The following CACHD1 variants were observed in gnomAD, a reference collection of about 807,000 sequenced individuals.
CACHD1 encodes cache domain containing 1.
Under a neutral mutation model 138.7 loss-of-function variants are expected in CACHD1, and 71 were observed. The observed-to-expected ratio is 0.51, with a 90% CI of 0.42 to 0.62. The LOEUF is 0.62. Among genes scored for constraint, CACHD1 ranks in the 20% least tolerant of loss-of-function variants. The pLI, the probability that CACHD1 is intolerant of heterozygous loss-of-function variation, is 0.00. For synonymous variants in CACHD1, 578 were observed against 591.5 expected (o/e 0.98, Z 0.33); for missense variants, 1,389 against 1,625.3 (o/e 0.85, Z 2.50).
chr1:64,539,557 C>T (rs999800038), intron 1 of CACHD1, among the ~76,000 whole-genome samples: 1 of 152,146 alleles, frequency 6.6e-6, no homozygotes, highest in Non-Finnish European at 1.5e-5. Flanking sequence ...AGGCAAGAAA[C>T]AGCGTCTTTA....
chr1:64,643,042 A>T (rs1214046391), intron 8 of CACHD1, among the ~76,000 whole-genome samples: 50 of 41,526 alleles, frequency 1.2e-3, no homozygotes, highest in African/African-American at 4.3e-3. Flanking sequence ...TGTCTAAAAA[A>T]AAAAAAAAAA....
intron 1 of CACHD1, 40 bp from the exon 2 acceptor site, chr1:64,550,554 T>A: frequency 6.9e-7 from 1 of 1,443,118 alleles, no homozygotes; most frequent in African/African-American, 1.4e-5. Context: ...AGAAAATGAC[T>A]TATTTAGAAA....
chr1:64,674,152 G>A (rs1649907776), intron 19 of CACHD1, among the ~76,000 whole-genome samples: 1 of 152,142 alleles, frequency 6.6e-6, no homozygotes, highest in Admixed American at 6.5e-5. Flanking sequence ...AATGTACTGG[G>A]TTAAATTAAA....
At chr1:64,560,505 T>C (rs528609338) in intron 2 of CACHD1, among the ~76,000 whole-genome samples, 1 of 152,210 alleles carries the variant, frequency 6.6e-6, no homozygotes, top group East Asian at 1.9e-4. Flanking sequence ...AACGTTGTGG[T>C]CTTTAGATAT....
chr1:64,647,710 A>T, intron 8 of CACHD1, 91 bp from the exon 9 acceptor site: 1 of 1,050,422 alleles, frequency 9.5e-7, no homozygotes, highest in Non-Finnish European at 1.4e-6. Flanking sequence ...ACAAGACCTC[A>T]TCCATGCCCG....
intron 3 of CACHD1, among the ~76,000 whole-genome samples, chr1:64,595,512 A>G (rs1419207706): frequency 1.3e-5 from 2 of 152,142 alleles, no homozygotes; most frequent in African/African-American, 4.8e-5. Context: ...AACATCACAG[A>G]GGCAGCCTGC....
At chr1:64,578,800 A>G (rs1284243255) in intron 2 of CACHD1, among the ~76,000 whole-genome samples, 1 of 152,218 alleles carries the variant, frequency 6.6e-6, no homozygotes, top group Non-Finnish European at 1.5e-5. Context: ...TAAGCGTTCC[A>G]AGAGACAGGC....
At chr1:64,682,988 G>A (rs1273216364) in intron 26 of CACHD1, among the ~76,000 whole-genome samples, 8 of 150,088 alleles carry the variant, frequency 5.3e-5, no homozygotes, top group Non-Finnish European at 1.0e-4. Flanking sequence ...CATAAATAGT[G>A]TATTTAAGCC....
At chr1:64,538,212 C>T (rs1646649816) in intron 1 of CACHD1, among the ~76,000 whole-genome samples, 2 of 152,164 alleles carry the variant, frequency 1.3e-5, no homozygotes, top group Non-Finnish European at 2.9e-5. Flanking sequence ...CACATTTATT[C>T]CATAAAGGCT....
At chr1:64,539,403 G>A (rs1218630953) in intron 1 of CACHD1, among the ~76,000 whole-genome samples, 1 of 152,028 alleles carries the variant, frequency 6.6e-6, no homozygotes, top group Non-Finnish European at 1.5e-5. Context: ...TCCCTGGCTT[G>A]AAAACCCTGC....
At chr1:64,665,090 TA>T (rs1649586378) in intron 15 of CACHD1, among the ~76,000 whole-genome samples, 3 of 152,172 alleles carry the variant, frequency 2.0e-5, no homozygotes, top group South Asian at 4.1e-4. Context: ...GCTTTTTTTT[TA>T]CTTTAATTTT....
intron 4 of CACHD1, among the ~76,000 whole-genome samples, chr1:64,611,896 G>A (rs1220044751): frequency 6.6e-6 from 1 of 152,194 alleles, no homozygotes; most frequent in East Asian, 1.9e-4. Context: ...ATGAGACTGA[G>A]GAGTTTGTGA....
At chr1:64,646,316 C>T (rs909927831) in intron 8 of CACHD1, among the ~76,000 whole-genome samples, 2 of 152,138 alleles carry the variant, frequency 1.3e-5, no homozygotes, top group African/African-American at 4.8e-5. Context: ...AGCTCTGTGC[C>T]GTGCAAAGGG....
chr1:64,608,720 C>T lies in CACHD1; in HGVS notation c.517+5808C>T, dbSNP rs537867215. Among the ~76,000 whole-genome samples, 9 of 152,282 alleles carry T rather than the reference C, an allele frequency of 5.9e-5. No individual in the cohort carries two copies. The South Asian group carries it at 1.7e-3, about 28-fold the overall frequency. On this transcript the variant is annotated intron_variant, in intron 4 of 26. Coordinates refer to ENST00000651257, the MANE Select transcript of CACHD1 (RefSeq NM_020925.4). ...ATATTATGGTTCTGGTAATGTTTTG[C>T]TCAGGTTCTTTCCTGCTTTTATCCC...
At position 64,678,146 on chromosome 1, in the gene CACHD1, G is replaced by A. The variant is rs770528162; in HGVS notation, c.3093-13G>A. 3.1e-6 allele frequency: 5 copies of A among 1,608,302 alleles called. No individual in the cohort carries two copies. In the African/African-American group the frequency reaches 4.0e-5, roughly 13 times the overall value. On this transcript the variant is annotated splice_polypyrimidine_tract_variant and intron_variant, in intron 22 of 26. Coordinates refer to ENST00000651257, the MANE Select transcript of CACHD1 (RefSeq NM_020925.4). ...ACTGCTTTATAGAAGACTAAGTATT[G>A]TTTTTCTGGCAGGGACTGTTTTGGG...
At chr1:64,646,980 G>A (rs1424261333) in intron 8 of CACHD1, among the ~76,000 whole-genome samples, 1 of 150,936 alleles carries the variant, frequency 6.6e-6, no homozygotes, top group African/African-American at 2.4e-5. Flanking sequence ...AGTAGTGACT[G>A]AAATCATTTT....
Position 64,561,699 on chromosome 1 carries a change from TTC to T in CACHD1, c.261+11045_261+11046del, listed in dbSNP as rs1491217131. Among the ~76,000 whole-genome samples the T allele has an allele frequency of 5.0e-3, 235 of 46,638 alleles. 1 individual carries two copies. The highest frequency in any genetic ancestry group is 0.013 in the Non-Finnish European group (144 of 11,320). The allele number at this position is 46,638 out of a possible 152,430, so 30.6% of individuals were successfully genotyped here. On this transcript the variant is annotated intron_variant, in intron 2 of 26. Transcript: ENST00000651257. ...GAGACACCCATTGTCTACAATTTTT[TTC>T]TTTTTAATTAGCTAGGAGTGGTGGC... is the stretch of plus-strand genomic sequence containing the variant.
chr1:64,690,391 AGAT>A lies in CACHD1; in HGVS notation c.3587-930_3587-928del, dbSNP rs199764323. On this transcript the variant is annotated intron_variant, in intron 26 of 26. Transcript: ENST00000651257. ...GTAAGTGCTGATTGACGCTAACTGTAGATGCAATGGAAATATTAATGAGCTGTT... is the reference window on the plus strand; with the variant it reads ...GTAAGTGCTGATTGACGCTAACTGTAGCAATGGAAATATTAATGAGCTGTT... Among the ~76,000 whole-genome samples the A allele has an allele frequency of 1.9e-4, 29 of 152,328 alleles. No individual in the cohort carries two copies. The East Asian group carries it at 5.0e-3, about 26-fold the overall frequency.
Position 64,663,884 on chromosome 1 carries a change from C to T in CACHD1, c.2094+47C>T. On this transcript the variant is annotated intron_variant, in intron 14 of 26. Transcript: ENST00000651257. The stretch of plus-strand genomic sequence containing the variant: ...CATTTCTGGTGTCCCCCTCCACAGG[C>T]CCAGCAGGGGGTGCTGGCAGTGAAC... 4 of 1,611,002 alleles carry T rather than the reference C, an allele frequency of 2.5e-6. No homozygotes were observed. The East Asian group carries it at 6.7e-5, about 27-fold the overall frequency.
Sources: allele counts gnomAD v4.1 joint callset (sites outside exome capture counted in the v4.1 genomes callset), GRCh38; gene constraint gnomAD v4.1.1; transcripts MANE v1.5; gene names NCBI Gene and HGNC (gene_info 2026-07-23, HGNC 2026-07-21).